The following EDARADD variants were observed in gnomAD, a reference collection of about 807,000 sequenced individuals.
EDARADD encodes ectodysplasin-A receptor-associated adapter protein.
A neutral mutation model predicts 25.6 loss-of-function variants in EDARADD; 20 were observed. The ratio of observed to expected loss-of-function variants is 0.78; its 90% CI spans 0.55 to 1.14. EDARADD has a LOEUF of 1.14. Ranked by LOEUF, EDARADD falls within the 50% of genes most tolerant of loss-of-function variation. EDARADD has a pLI of 0.00. For synonymous variants in EDARADD, 86 were observed against 94.4 expected, an observed-to-expected ratio of 0.91 and a Z score of 0.52; for missense variants, 225 against 270.1, an observed-to-expected ratio of 0.83 and a Z score of 1.17.
chr1:236,424,819 G>A (rs1237063268), intron 3 of EDARADD, among the ~76,000 whole-genome samples: 2 of 152,206 alleles, frequency 1.3e-5, no homozygotes, highest in Non-Finnish European at 2.9e-5. Context: ...TAACCCAGAG[G>A]TGGAGGGACT....
intron 5 of EDARADD, among the ~76,000 whole-genome samples, chr1:236,469,084 C>T (rs192980606): frequency 3.5e-4 from 54 of 152,238 alleles, no homozygotes; most frequent in Non-Finnish European, 7.2e-4. Flanking sequence ...CATTTCTCCC[C>T]GCTCCCCTTT....
At chr1:236,465,345 A>G (rs1659158643) in intron 4 of EDARADD, among the ~76,000 whole-genome samples, 1 of 152,036 alleles carries the variant, frequency 6.6e-6, no homozygotes, top group African/African-American at 2.4e-5. Flanking sequence ...GACAGGCCCC[A>G]GTGTATTCAC....
chr1:236,456,424 T>G (rs911874421), intron 4 of EDARADD, among the ~76,000 whole-genome samples: 1 of 152,218 alleles, frequency 6.6e-6, no homozygotes, highest in African/African-American at 2.4e-5. Flanking sequence ...GGCTGGTGCC[T>G]TAAAAGCCAT....
At chr1:236,455,082 C>CAACAT in intron 4 of EDARADD, among the ~76,000 whole-genome samples, 1 of 152,168 alleles carries the variant, frequency 6.6e-6, no homozygotes, top group South Asian at 2.1e-4. Context: ...TGGTGGCGGG[C>CAACAT]GCCTGTAGTC....
chr1:236,365,811 G>T (rs663414), intron 3 of EDARADD, among the ~76,000 whole-genome samples: 52,232 of 151,876 alleles, frequency 0.34, 9,236 homozygotes, highest in African/African-American at 0.42. Context: ...TTGTTATTCT[G>T]ATTTTTCTCA....
chr1:236,361,936 G>A (rs1241299498), intron 3 of EDARADD, among the ~76,000 whole-genome samples: 1 of 152,064 alleles, frequency 6.6e-6, no homozygotes, highest in East Asian at 1.9e-4. Flanking sequence ...GGCATGGAAT[G>A]CCTGGATTGT....
chr1:236,433,674 A>G (rs886233957), intron 4 of EDARADD, among the ~76,000 whole-genome samples: 17 of 151,784 alleles, frequency 1.1e-4, no homozygotes, highest in Non-Finnish European at 2.5e-4. Context: ...CACTTTACAC[A>G]TCAAGATCCA....
Position 236,395,607 on chromosome 1 carries a change from T to C in EDARADD, c.61+1102T>C. 6.4e-7 allele frequency: 1 copy of C among 1,558,482 alleles called. No individual in the cohort carries two copies. On this transcript the variant is annotated intron_variant, in intron 1 of 5. Transcript: ENST00000334232. The surrounding 1 kb of genome is among the most constrained non-coding windows in gnomAD (Gnocchi z 6.9). ...AGGCCTGCCAGCCCCGCTCGGACGC[T>C]CGTTTGCCCCTAACCCGCCGCCATG...
Position 236,484,162 on chromosome 1 carries a change from A to G in EDARADD, c.*1513A>G. On this transcript the variant is annotated 3_prime_UTR_variant, in exon 6 of 6. Coordinates refer to ENST00000334232, the MANE Select transcript of EDARADD (RefSeq NM_145861.4). The surrounding 1 kb of genome is among the most constrained non-coding windows in gnomAD (Gnocchi z 4.1). The stretch of plus-strand genomic sequence containing the variant: ...CCAAAGAGGACAGCCTCGGCCGTGA[A>G]TGAGAAGAAGTGCAACTGCCTCCTG... 1 of 1,309,660 alleles carries G rather than the reference A, an allele frequency of 7.6e-7. No homozygotes were observed. 81.1% of individuals were successfully genotyped at this position (1,309,660 alleles called of 1,614,324 possible).
At chr1:236,374,135 TAC>T (rs895081816) in intron 3 of EDARADD, among the ~76,000 whole-genome samples, 1 of 151,992 alleles carries the variant, frequency 6.6e-6, no homozygotes, top group Non-Finnish European at 1.5e-5. Flanking sequence ...GTGTGTGTTC[TAC>T]AGTTGTTAGA....
At chr1:236,444,473 G>A (rs998090549) in intron 4 of EDARADD, among the ~76,000 whole-genome samples, 1 of 152,138 alleles carries the variant, frequency 6.6e-6, no homozygotes, top group Admixed American at 6.6e-5. Flanking sequence ...CCAGGGTGGA[G>A]TGCAGTGGCA....
At chr1:236,430,869 A>G (rs923027722) in intron 4 of EDARADD, among the ~76,000 whole-genome samples, 7 of 152,154 alleles carry the variant, frequency 4.6e-5, no homozygotes, top group Non-Finnish European at 4.4e-5. Context: ...TATAATCCCA[A>G]CACTTTGTGG....
intron 4 of EDARADD, among the ~76,000 whole-genome samples, chr1:236,443,169 C>A (rs1335771245): frequency 1.3e-5 from 2 of 152,194 alleles, no homozygotes; most frequent in Admixed American, 6.5e-5. Flanking sequence ...CAACCTGGGA[C>A]TTCTTTGCCC....
Position 236,465,687 on chromosome 1 carries a change from A to G in EDARADD, c.220-2544A>G, listed in dbSNP as rs546619075. On this transcript the variant is annotated intron_variant, in intron 4 of 5. Coordinates refer to ENST00000334232, the MANE Select transcript of EDARADD (RefSeq NM_145861.4). ...TGAGGTCAAGGGTTCAGGTCATTTTATCTTTGTCTATGCATTGCAATATGG... is the reference window on the plus strand; with the variant it reads ...TGAGGTCAAGGGTTCAGGTCATTTTGTCTTTGTCTATGCATTGCAATATGG... Among the ~76,000 whole-genome samples the G allele has an allele frequency of 3.8e-4, 58 of 152,240 alleles. 1 individual carries two copies. The highest frequency in any genetic ancestry group is 7.2e-4 in the Non-Finnish European group (49 of 68,016).
At chr1:236,459,472 A>T (rs1355703807) in intron 4 of EDARADD, among the ~76,000 whole-genome samples, 1 of 152,184 alleles carries the variant, frequency 6.6e-6, no homozygotes, top group Non-Finnish European at 1.5e-5. Flanking sequence ...ACTCCAGAAG[A>T]AGCAGGTCTT....
rs1006615736 is a variant in EDARADD at position 236,361,621 on chromosome 1, C to T, written c.-6+10782C>T. Among the ~76,000 whole-genome samples the T allele has an allele frequency of 7.6e-5, 7 of 92,004 alleles. No individual in the cohort carries two copies. In the East Asian group the frequency reaches 2.9e-3, roughly 38 times the overall value. 60.4% of individuals were successfully genotyped at this position (92,004 alleles called of 152,430 possible). On this transcript the variant is annotated intron_variant, in intron 3 of 7. Transcript: ENST00000439430. ...CTAGGATTACAGACGTGAGCCACCA[C>T]GCACAGCCAAATTTTATATATATAT... is the stretch of plus-strand genomic sequence containing the variant.
chr1:236,349,876 T>C (rs568854493), intron 2 of EDARADD, among the ~76,000 whole-genome samples: 12 of 152,182 alleles, frequency 7.9e-5, no homozygotes, highest in African/African-American at 1.7e-4. Context: ...TTTTGGAAGA[T>C]TGAGGCAGGC....
intron 3 of EDARADD, among the ~76,000 whole-genome samples, chr1:236,381,134 G>A (rs371144270): frequency 3.7e-4 from 57 of 152,176 alleles, no homozygotes; most frequent in African/African-American, 1.3e-3. Flanking sequence ...ATTAGTTTGT[G>A]TTGCAATAGA....
chr1:236,369,135 A>G (rs1292113317), intron 3 of EDARADD, among the ~76,000 whole-genome samples: 1 of 152,118 alleles, frequency 6.6e-6, no homozygotes, highest in Non-Finnish European at 1.5e-5. Context: ...AGGTATTGTC[A>G]ATCCTCCAAA....
Sources: allele counts gnomAD v4.1 joint callset (sites outside exome capture counted in the v4.1 genomes callset), GRCh38; gene constraint gnomAD v4.1.1; non-coding constraint Gnocchi (gnomAD v3.1); transcripts MANE v1.5; gene names NCBI Gene and HGNC (gene_info 2026-07-23, HGNC 2026-07-21).